The following IFTAP variants were observed in gnomAD, a reference collection of about 807,000 sequenced individuals.
The protein encoded by IFTAP is intraflagellar transport associated protein, also known as intraflagellar transport-associated protein.
Under a neutral mutation model 19.4 loss-of-function variants are expected in IFTAP, and 19 were observed. That is an observed-to-expected ratio of 0.98 (90% CI 0.68 to 1.44). IFTAP has a LOEUF of 1.44. Ranked by LOEUF, IFTAP falls within the 40% of genes most tolerant of loss-of-function variation. The pLI is 0.00. For synonymous variants in IFTAP, 85 were observed against 83.5 expected (o/e 1.02, Z -0.10); for missense variants, 240 against 253.6 (o/e 0.95, Z 0.36).
At position 36,610,051 on chromosome 11, in the gene IFTAP, C is replaced by G. The variant is rs1469810284; in HGVS notation, c.-23-30C>G. ...TCAAAGGGGCTGGTATTGCCTGATT[C>G]TCTCTAGCTGGTATTTTTCTGTCTT... On this transcript the variant is annotated intron_variant, in intron 1 of 5. Transcript: ENST00000334307. 1.9e-6 allele frequency: 3 copies of G among 1,588,548 alleles called. No homozygotes were observed. The African/African-American group carries it at 4.1e-5, about 22-fold the overall frequency.
chr11:36,627,381 A>G (rs1852554415), intron 2 of IFTAP, among the ~76,000 whole-genome samples: 1 of 151,210 alleles, frequency 6.6e-6, no homozygotes, highest in Middle Eastern at 3.2e-3. Flanking sequence ...GGTATTGTTC[A>G]TGGATACTTA....
chr11:36,627,946 A>G (rs1852578126), intron 2 of IFTAP, among the ~76,000 whole-genome samples: 1 of 151,282 alleles, frequency 6.6e-6, no homozygotes, highest in African/African-American at 2.5e-5. Context: ...GAGGAAACAT[A>G]ACCAGTTGGA....
chr11:36,654,092 A>G (rs1853864029), intron 5 of IFTAP, among the ~76,000 whole-genome samples: 1 of 152,150 alleles, frequency 6.6e-6, no homozygotes, highest in Non-Finnish European at 1.5e-5. Flanking sequence ...CTTTTCATCC[A>G]GAATTGAAAA....
intron 2 of IFTAP, among the ~76,000 whole-genome samples, chr11:36,622,510 A>G (rs928265140): frequency 6.6e-6 from 1 of 152,040 alleles, no homozygotes; most frequent in African/African-American, 2.4e-5. Flanking sequence ...ATGGGAAGGG[A>G]CACTTCAATC....
chr11:36,603,479 G>T (rs115777299), intron 1 of IFTAP, among the ~76,000 whole-genome samples: 1 of 152,090 alleles, frequency 6.6e-6, no homozygotes, highest in Non-Finnish European at 1.5e-5. Context: ...AGATTCACAA[G>T]ATGAATTCAC....
intron 2 of IFTAP, among the ~76,000 whole-genome samples, chr11:36,629,048 A>G (rs1348282824): frequency 6.6e-6 from 1 of 151,386 alleles, no homozygotes. Context: ...ATTCTGATTT[A>G]TGATTGATTG....
At position 36,623,360 on chromosome 11, in the gene IFTAP, C is replaced by CT. The variant is rs1056957143; in HGVS notation, c.137-9924_137-9923insT. Among the ~76,000 whole-genome samples, 3 of 150,342 alleles carry CT rather than the reference C, an allele frequency of 2.0e-5. No homozygotes were observed. The Admixed American group carries it at 2.0e-4, about 10-fold the overall frequency. ...GCTTTCATGAAATTGTGATACTCCC[C>CT]CCCCCACTCAAAGCATAAGAACAAT... On this transcript the variant is annotated intron_variant, in intron 2 of 5. Coordinates refer to ENST00000334307, the MANE Select transcript of IFTAP (RefSeq NM_138787.4).
intron 2 of IFTAP, among the ~76,000 whole-genome samples, chr11:36,614,599 A>C (rs1170128524): frequency 3.4e-5 from 5 of 148,384 alleles, no homozygotes; most frequent in Non-Finnish European, 7.4e-5. Context: ...TGACTTTTTA[A>C]TGATTGCCAT....
chr11:36,603,814 C>T (rs899495791), intron 1 of IFTAP, among the ~76,000 whole-genome samples: 1 of 151,460 alleles, frequency 6.6e-6, no homozygotes, highest in Admixed American at 6.6e-5. Context: ...CCTGGCTACT[C>T]AGGAGTCTGA....
chr11:36,658,960 ACTTTAT>A (rs1854107270), intron 5 of IFTAP, 53 bp from the exon 6 acceptor site: 3 of 1,309,980 alleles, frequency 2.3e-6, no homozygotes, highest in Non-Finnish European at 3.1e-6. Flanking sequence ...TAATTTTTCA[ACTTTAT>A]CTTCATTTAC....
At chr11:36,626,811 G>A (rs1268843727) in intron 2 of IFTAP, among the ~76,000 whole-genome samples, 1 of 151,120 alleles carries the variant, frequency 6.6e-6, no homozygotes, top group Non-Finnish European at 1.5e-5. Flanking sequence ...GGTGTGGAGG[G>A]AAGTTAAACT....
intron 2 of IFTAP, among the ~76,000 whole-genome samples, chr11:36,623,821 A>G (rs1852399993): frequency 6.6e-6 from 1 of 151,788 alleles, no homozygotes; most frequent in African/African-American, 2.4e-5. Context: ...TCTGTTGTAT[A>G]TTTCGTACAC....
chr11:36,635,741 A>G (rs1454426787), intron 3 of IFTAP, among the ~76,000 whole-genome samples: 1 of 152,208 alleles, frequency 6.6e-6, no homozygotes, highest in Non-Finnish European at 1.5e-5. Flanking sequence ...GTGGTGGTAT[A>G]TATTCTGGGA....
intron 1 of IFTAP, among the ~76,000 whole-genome samples, chr11:36,603,781 G>T (rs1851591683): frequency 6.6e-6 from 1 of 152,010 alleles, no homozygotes; most frequent in South Asian, 2.1e-4. Context: ...AATTAGTCAG[G>T]TGTGGTGGTG....
At chr11:36,634,792 T>C (rs1852873277) in intron 3 of IFTAP, among the ~76,000 whole-genome samples, 1 of 150,952 alleles carries the variant, frequency 6.6e-6, no homozygotes, top group South Asian at 2.1e-4. Flanking sequence ...AGTTGGAGAA[T>C]TCAGCAGATT....
At chr11:36,600,692 A>C (rs2133350098) in intron 1 of IFTAP, among the ~76,000 whole-genome samples, 1 of 152,378 alleles carries the variant, frequency 6.6e-6, no homozygotes, top group African/African-American at 2.4e-5. Context: ...TCCCACATTC[A>C]GCTTTTCTTA....
chr11:36,623,347 T>C (rs1408348752), intron 2 of IFTAP, among the ~76,000 whole-genome samples: 2 of 147,344 alleles, frequency 1.4e-5, no homozygotes, highest in African/African-American at 2.5e-5. Flanking sequence ...TTTCATGAAA[T>C]TGTGATACTC....
At chr11:36,626,530 A>G (rs1852520226) in intron 2 of IFTAP, among the ~76,000 whole-genome samples, 1 of 151,290 alleles carries the variant, frequency 6.6e-6, no homozygotes, top group South Asian at 2.1e-4. Flanking sequence ...ATTGTTACCC[A>G]TCTTTTAGAG....
chr11:36,645,595 T>TATGAGG (rs1491321286), intron 4 of IFTAP, among the ~76,000 whole-genome samples: 136 of 151,890 alleles, frequency 9.0e-4, no homozygotes, highest in Non-Finnish European at 1.6e-3. Flanking sequence ...AGAATATGAG[T>TATGAGG]ATATATATAT....
Sources: gnomAD v4.1 joint callset for allele counts (sites outside exome capture counted in the v4.1 genomes callset) on GRCh38, gnomAD v4.1.1 for gene constraint, MANE v1.5 for transcripts, NCBI Gene and HGNC (gene_info 2026-07-23, HGNC 2026-07-21) for gene names.